LRP2: variants seen among roughly 807,000 people sequenced by gnomAD.
LRP2 encodes the protein LDL receptor related protein 2, also known as low-density lipoprotein receptor-related protein 2.
Under a neutral mutation model 531.0 loss-of-function variants are expected in LRP2, and 172 were observed. The observed-to-expected ratio is 0.32, with a 90% confidence interval of 0.29 to 0.37. The LOEUF (loss-of-function observed/expected upper bound fraction) is 0.37, where lower values mean the gene tolerates loss of function less well. Among genes scored for constraint, LRP2 ranks in the 10% least tolerant of loss-of-function variants. The pLI is 1.00. For missense variants in LRP2, 5,167 were observed against 5,868.3 expected, an observed-to-expected ratio of 0.88 and a Z score of 3.90; for synonymous variants, 1,992 against 2,027.6, an observed-to-expected ratio of 0.98 and a Z score of 0.47.
chr2:169,193,997 G>T (rs1687919395), intron 46 of LRP2, 105 bp from the exon 47 acceptor site: 1 of 1,260,876 alleles, frequency 7.9e-7, no homozygotes, highest in Non-Finnish European at 1.1e-6. Flanking sequence ...CTGAAACAGA[G>T]CATTATTTAA....
intron 2 of LRP2, among the ~76,000 whole-genome samples, chr2:169,320,165 C>T (rs1031705673): frequency 5.3e-5 from 8 of 152,050 alleles, no homozygotes; most frequent in Non-Finnish European, 7.4e-5. Flanking sequence ...AATCTGAAAC[C>T]GACCTCAGAA....
intron 10 of LRP2, among the ~76,000 whole-genome samples, chr2:169,282,315 A>C (rs1683724728): frequency 6.6e-6 from 1 of 152,016 alleles, no homozygotes; most frequent in Admixed American, 6.5e-5. Flanking sequence ...GCCCTCATCT[A>C]TTTTTTGCAG....
intron 3 of LRP2, among the ~76,000 whole-genome samples, chr2:169,317,752 C>T (rs1684803040): frequency 6.6e-6 from 1 of 152,130 alleles, no homozygotes; most frequent in African/African-American, 2.4e-5. Context: ...AGGTCGCCAT[C>T]TTATATTTAC....
At chr2:169,221,132 T>C (rs1253357684) in intron 33 of LRP2, among the ~76,000 whole-genome samples, 1 of 152,162 alleles carries the variant, frequency 6.6e-6, no homozygotes, top group African/African-American at 2.4e-5. Context: ...AATTCACCTC[T>C]TTGAACTTTA....
rs765266983 is a variant in LRP2, at chr2:169,181,462, G to C, written c.10155C>G (p.His3385Gln). The C allele has an allele frequency of 1.2e-6, 2 of 1,613,938 alleles. No individual in the cohort carries two copies. Among genetic ancestry groups the C allele is most frequent in the Non-Finnish European group, 1.7e-6 (2 of 1,179,794 alleles). The stretch of plus-strand genomic sequence containing the variant: ...TATGTACGTACTCTATGTAACCCAG[G>C]TGGGCATCTGCCCAGTAGAGTAGAT... Reference protein sequence around the residue: ...TNDLLYWADAHLGYIEYSDLE... With the variant: ...TNDLLYWADAQLGYIEYSDLE... The change falls in exon 52 of 79, where the codon CAC (histidine) becomes CAG (glutamine). Residue 3385 changes from histidine (H) to glutamine (Q), a missense_variant. Transcript: ENST00000649046.
chr2:169,352,296 G>C (rs1685871355), intron 1 of LRP2, among the ~76,000 whole-genome samples: 1 of 152,166 alleles, frequency 6.6e-6, no homozygotes, highest in South Asian at 2.1e-4. Context: ...TTCAGGACCT[G>C]CCATGCTGGC....
At chr2:169,197,469 C>G (rs1011057278) in intron 45 of LRP2, among the ~76,000 whole-genome samples, 2 of 152,172 alleles carry the variant, frequency 1.3e-5, no homozygotes, top group Admixed American at 1.3e-4. Flanking sequence ...GATAATAACT[C>G]TAGAAAGTTG....
rs561231233 is a variant in LRP2 at position 169,206,738 on chromosome 2, T to C, written c.6982A>G (p.Ile2328Val). 4 of 1,614,188 alleles carry C rather than the reference T, an allele frequency of 2.5e-6. No individual in the cohort carries two copies. In the East Asian group the frequency reaches 8.9e-5, roughly 36 times the overall value. The change falls in exon 39 of 79, where the codon ATC (isoleucine) becomes GTC (valine). Residue 2328 changes from isoleucine to valine, a missense_variant. Ile to Val is a conservative substitution (Grantham distance 29, BLOSUM62 3). Transcript: ENST00000649046. The stretch of plus-strand genomic sequence containing the variant: ...CGGGGCTGGACTTGCTTGTCAAAGA[T>C]GGTCACATCTCTTAGCCAGTTGATA... ...DNINWLRDVTIFDKQVQPRSP... is the reference protein window; with the variant it reads ...DNINWLRDVTVFDKQVQPRSP...
At chr2:169,220,045 T>A (rs1369754698) in intron 34 of LRP2, among the ~76,000 whole-genome samples, 7 of 152,066 alleles carry the variant, frequency 4.6e-5, no homozygotes, top group Non-Finnish European at 8.8e-5. Flanking sequence ...GCCTCAAGAG[T>A]CACTGCCTGG....
At position 169,233,581 on chromosome 2, in the gene LRP2, C is replaced by T. The variant is rs147688332; in HGVS notation, c.4928G>A (p.Arg1643Gln). The T allele has an allele frequency of 1.0e-4, 169 of 1,613,938 alleles. 1 individual carries two copies. The African/African-American group carries it at 1.7e-3, about 16-fold the overall frequency. The change falls in exon 30 of 79, where the codon CGG becomes CAG. Residue 1643 changes from arginine to glutamine, a missense_variant. This residue lies in a region of LRP2 where 2,811 missense variants were observed against 3,058.0 expected (regional missense o/e 0.92). Transcript: ENST00000649046. Reference sequence around the variant, plus strand: ...AAAGAGAGTTAGGGCATAGGGGTGCCGTATAATCTGTGAGGCAGAAGAGAA... The same window carrying T: ...AAAGAGAGTTAGGGCATAGGGGTGCTGTATAATCTGTGAGGCAGAAGAGAA... ...RQVIASDLIIRHPYALTLFED... is the reference protein window; with the variant it reads ...RQVIASDLIIQHPYALTLFED...
rs192770417 is a variant in LRP2 at position 169,264,242 on chromosome 2, A to G, written c.2321-5025T>C. Among the ~76,000 whole-genome samples, 490 of 152,116 alleles carry G rather than the reference A, an allele frequency of 3.2e-3. 3 individuals are homozygous for G. The highest frequency in any genetic ancestry group is 0.012 in the African/African-American group (480 of 41,552). ...ACATGTACCCTAAAACTTAAAGTAT[A>G]ATAATAAATAAATAAATAAAAATAA... On this transcript the variant is annotated intron_variant, in intron 16 of 78. Coordinates refer to ENST00000649046, the MANE Select transcript of LRP2 (RefSeq NM_004525.3).
chr2:169,272,845 G>A (rs1683454191), intron 15 of LRP2, 82 bp downstream of exon 15: 1 of 1,570,680 alleles, frequency 6.4e-7, no homozygotes, highest in South Asian at 1.1e-5. Context: ...TCCAGTTCAA[G>A]AGTAGCAGTT....
chr2:169,243,755 A>C (rs1398558709), intron 22 of LRP2, among the ~76,000 whole-genome samples: 1 of 152,196 alleles, frequency 6.6e-6, no homozygotes, highest in African/African-American at 2.4e-5. Flanking sequence ...CTGTGATTAC[A>C]CCTTGGAAAA....
chr2:169,266,532 C>T (rs1047541455), intron 16 of LRP2, among the ~76,000 whole-genome samples: 3 of 152,066 alleles, frequency 2.0e-5, no homozygotes, highest in African/African-American at 7.2e-5. Flanking sequence ...ATATGAACCG[C>T]ATATTTTTCA....
Position 169,283,102 on chromosome 2 carries a change from C to T in LRP2, c.1043-101G>A, listed in dbSNP as rs1683750760. On this transcript the variant is annotated intron_variant, in intron 9 of 78. Transcript: ENST00000649046. ...TAAGATGGCCAAGAATGTGGTGTTG[C>T]CCATGTCTAAATAAACACCCTCTGG... The T allele has an allele frequency of 2.5e-6, 3 of 1,210,954 alleles. No individual in the cohort carries two copies. The Admixed American group carries it at 5.1e-5, about 20-fold the overall frequency. The allele number at this position is 1,210,954 out of a possible 1,614,324, so 75.0% of individuals were successfully genotyped here.
intron 44 of LRP2, 72 bp downstream of exon 44, chr2:169,201,556 T>C (rs1353238913): frequency 6.3e-7 from 1 of 1,592,320 alleles, no homozygotes. Flanking sequence ...CTTTTTTTTA[T>C]ATAATAATTT....
intron 63 of LRP2, among the ~76,000 whole-genome samples, chr2:169,162,160 T>A (rs1339097397): frequency 6.6e-6 from 1 of 152,220 alleles, no homozygotes; most frequent in Admixed American, 6.5e-5. Flanking sequence ...AGAGTTCAAA[T>A]CCTGAGTCAA....
Position 169,271,125 on chromosome 2 carries a change from C to T in LRP2, c.2117-18G>A. The T allele has an allele frequency of 2.5e-6, 4 of 1,573,146 alleles. No individual in the cohort carries two copies. Among genetic ancestry groups the T allele is most frequent in the Non-Finnish European group, 3.5e-6 (4 of 1,144,488 alleles). ...CTGAACAGCTGTAGGAAGAATAACACAGCACAGTCAGTCACAGCATGGTTC... is the reference window on the plus strand; with the variant it reads ...CTGAACAGCTGTAGGAAGAATAACATAGCACAGTCAGTCACAGCATGGTTC... On this transcript the variant is annotated intron_variant, in intron 15 of 78. Coordinates refer to ENST00000649046, the MANE Select transcript of LRP2 (RefSeq NM_004525.3).
intron 54 of LRP2, among the ~76,000 whole-genome samples, chr2:169,175,738 G>A (rs896842420): frequency 6.6e-6 from 1 of 152,186 alleles, no homozygotes; most frequent in African/African-American, 2.4e-5. Context: ...TGATATAAAA[G>A]TATTGTTTGG....
Sources: allele counts gnomAD v4.1 joint callset (sites outside exome capture counted in the v4.1 genomes callset), GRCh38; gene constraint gnomAD v4.1.1; regional missense constraint gnomAD v4.1.1; transcripts MANE v1.5; gene names NCBI Gene and HGNC (gene_info 2026-07-23, HGNC 2026-07-21).